The following ADAM2 variants were observed in gnomAD, a reference collection of about 807,000 sequenced individuals.
ADAM2 encodes ADAM metallopeptidase domain 2.
In ADAM2, 101 loss-of-function variants were observed where a neutral mutation model predicts 99.3. The observed-to-expected ratio is 1.02, with a 90% CI of 0.87 to 1.20. The LOEUF is 1.20. Among genes scored for constraint, ADAM2 ranks in the 50% most tolerant of loss-of-function variants. The pLI, the probability that ADAM2 is intolerant of heterozygous loss-of-function variation, is 0.00. For synonymous variants in ADAM2, 323 were observed against 287.6 expected, an observed-to-expected ratio of 1.12 and a Z score of -1.25; for missense variants, 948 against 878.7, an observed-to-expected ratio of 1.08 and a Z score of -1.00.
At chr8:39,744,718 G>A (rs534306958) in intron 20 of ADAM2, 112 bp downstream of exon 20, 47 of 636,896 alleles carry the variant, frequency 7.4e-5, no homozygotes, top group Non-Finnish European at 1.2e-4. Context: ...GGGTTGATAG[G>A]TGCAGCAAAC....
chr8:39,774,478 A>G (rs1802910974), intron 11 of ADAM2, among the ~76,000 whole-genome samples: 1 of 151,992 alleles, frequency 6.6e-6, no homozygotes, highest in African/African-American at 2.4e-5. Context: ...AGCTCAATAA[A>G]AATTAATCAA....
intron 14 of ADAM2, among the ~76,000 whole-genome samples, chr8:39,766,052 C>T (rs202012): frequency 0.046 from 6,968 of 152,140 alleles, 389 homozygotes; most frequent in African/African-American, 0.13. Flanking sequence ...TTGTTTTTAA[C>T]GTCAGTGCAC....
chr8:39,781,925 C>G (rs1383312448), intron 10 of ADAM2, among the ~76,000 whole-genome samples: 2 of 152,176 alleles, frequency 1.3e-5, no homozygotes, highest in Non-Finnish European at 2.9e-5. Flanking sequence ...GATATGGCGA[C>G]TTGATCTCTA....
chr8:39,823,077 T>A (rs1297586317), intron 4 of ADAM2, among the ~76,000 whole-genome samples: 2 of 152,178 alleles, frequency 1.3e-5, no homozygotes, highest in African/African-American at 4.8e-5. Context: ...TGAGGTCTGT[T>A]TTTATGTGCA....
intron 12 of ADAM2, among the ~76,000 whole-genome samples, chr8:39,768,900 A>T (rs192148482): frequency 1.8e-3 from 276 of 152,280 alleles, no homozygotes; most frequent in African/African-American, 6.2e-3. Flanking sequence ...ATCAAACATG[A>T]CTACAGTTAA....
chr8:39,781,472 A>G (rs1803229930), intron 10 of ADAM2, among the ~76,000 whole-genome samples: 1 of 152,212 alleles, frequency 6.6e-6, no homozygotes, highest in African/African-American at 2.4e-5. Context: ...CTTCATAAAA[A>G]TGGCACCATT....
intron 10 of ADAM2, among the ~76,000 whole-genome samples, chr8:39,781,750 G>C (rs976369766): frequency 9.2e-5 from 14 of 152,128 alleles, no homozygotes; most frequent in Non-Finnish European, 1.9e-4. Flanking sequence ...AAATGCAGAG[G>C]ACTTGGAATA....
At chr8:39,794,934 C>T (rs1222349367) in intron 7 of ADAM2, among the ~76,000 whole-genome samples, 1 of 151,964 alleles carries the variant, frequency 6.6e-6, no homozygotes, top group Non-Finnish European at 1.5e-5. Context: ...CATTTTCTAC[C>T]TAGGTTTCCT....
rs1025674397 is a variant in ADAM2, at chr8:39,786,984, C to A, written c.881G>T (p.Gly294Val). Reference protein sequence around the residue: ...GKMCDANYAGGVVLHPRTISL... With the variant: ...GKMCDANYAGVVVLHPRTISL... ...ATAACCATACCATACCAGAACAACA[C>A]CTCCTGCATAGTTTGCATCACACAT... is the stretch of plus-strand genomic sequence containing the variant. Residue 294 changes from glycine (G) to valine (V), a missense_variant, in exon 10 of 21, where the codon GGT becomes GTT. By Grantham distance (109) the Gly-to-Val change is moderately radical. Coordinates refer to ENST00000265708, the MANE Select transcript of ADAM2 (RefSeq NM_001464.5). 7 of 1,589,558 alleles carry A rather than the reference C, an allele frequency of 4.4e-6. No individual in the cohort carries two copies. The Middle Eastern group carries it at 5.0e-4, about 113-fold the overall frequency.
chr8:39,753,448 T>G (rs890227563), intron 16 of ADAM2, among the ~76,000 whole-genome samples: 1 of 151,266 alleles, frequency 6.6e-6, no homozygotes, highest in Non-Finnish European at 1.5e-5. Flanking sequence ...ACCCATGTTC[T>G]GGGGAAAAAT....
intron 14 of ADAM2, among the ~76,000 whole-genome samples, chr8:39,766,245 C>T (rs541950654): frequency 6.6e-6 from 1 of 152,222 alleles, no homozygotes; most frequent in South Asian, 2.1e-4. Context: ...TTTACCAAAA[C>T]AAGGGATGGA....
intron 18 of ADAM2, among the ~76,000 whole-genome samples, chr8:39,747,486 GAAGA>G (rs1823523285): frequency 6.6e-6 from 1 of 152,090 alleles, no homozygotes; most frequent in Non-Finnish European, 1.5e-5. Flanking sequence ...CTTTTGTATA[GAAGA>G]AAGAGTCTCT....
intron 7 of ADAM2, among the ~76,000 whole-genome samples, chr8:39,797,321 C>CT (rs1285233436): frequency 1.3e-5 from 2 of 152,238 alleles, no homozygotes; most frequent in East Asian, 3.9e-4. Flanking sequence ...TTCCTCATTG[C>CT]TTGTTTTTGT....
At chr8:39,756,066 A>G (rs1459998313) in intron 15 of ADAM2, among the ~76,000 whole-genome samples, 155 bp from the exon 16 acceptor site, 2 of 152,222 alleles carry the variant, frequency 1.3e-5, no homozygotes, top group Non-Finnish European at 2.9e-5. Flanking sequence ...CCTTGCCTAA[A>G]TTGCCAATAA....
intron 6 of ADAM2, among the ~76,000 whole-genome samples, chr8:39,813,227 C>G (rs1804777451): frequency 6.6e-6 from 1 of 152,168 alleles, no homozygotes; most frequent in East Asian, 1.9e-4. Flanking sequence ...GAGATACCAT[C>G]TCACACCAGT....
chr8:39,793,686 C>T (rs975587884), intron 7 of ADAM2, among the ~76,000 whole-genome samples: 3 of 152,066 alleles, frequency 2.0e-5, no homozygotes, highest in Admixed American at 6.6e-5. Context: ...GTATGGCAGC[C>T]TCATGTGCTG....
intron 5 of ADAM2, 97 bp downstream of exon 5, chr8:39,821,489 G>A (rs1415670769): frequency 1.1e-6 from 1 of 942,464 alleles, no homozygotes; most frequent in East Asian, 2.6e-5. Flanking sequence ...CAATAGTCAT[G>A]CCACACTTTA....
intron 14 of ADAM2, among the ~76,000 whole-genome samples, chr8:39,761,932 A>G (rs1802385809): frequency 6.6e-6 from 1 of 152,086 alleles, no homozygotes; most frequent in African/African-American, 2.4e-5. Context: ...CTACAAAAGA[A>G]AATTAGCCGG....
At chr8:39,823,840 T>C (rs1177633914) in intron 4 of ADAM2, among the ~76,000 whole-genome samples, 2 of 152,204 alleles carry the variant, frequency 1.3e-5, no homozygotes, top group Admixed American at 6.5e-5. Context: ...TTAAAGCAAC[T>C]AACCATATCT....
Sources: gnomAD v4.1 joint callset for allele counts (sites outside exome capture counted in the v4.1 genomes callset) on GRCh38, gnomAD v4.1.1 for gene constraint, MANE v1.5 for transcripts, NCBI Gene and HGNC (gene_info 2026-07-23, HGNC 2026-07-21) for gene names.